The following NOS1 variants were observed in gnomAD, a reference collection of about 807,000 sequenced individuals.
The protein encoded by NOS1 is NOS type I.
A neutral mutation model predicts 164.5 loss-of-function variants in NOS1; 51 were observed. The ratio of observed to expected loss-of-function variants is 0.31; its 90% CI spans 0.25 to 0.39. NOS1 has a LOEUF of 0.39. Among genes scored for constraint, NOS1 ranks in the 10% least tolerant of loss-of-function variants. The pLI, the probability that NOS1 is intolerant of heterozygous loss-of-function variation, is 1.00. For synonymous variants in NOS1, 719 were observed against 745.8 expected, an observed-to-expected ratio of 0.96 and a Z score of 0.59; for missense variants, 1,362 against 1,885.6, an observed-to-expected ratio of 0.72 and a Z score of 5.14.
At chr12:117,347,064 A>C (rs1198820150) in intron 1 of NOS1, among the ~76,000 whole-genome samples, 1 of 152,186 alleles carries the variant, frequency 6.6e-6, no homozygotes, top group East Asian at 1.9e-4. Flanking sequence ...AGGAAGGTGG[A>C]TCACTTGAGG....
chr12:117,346,772 C>T lies in NOS1; in HGVS notation c.-421+14740G>A, dbSNP rs551651594. Among the ~76,000 whole-genome samples, 462 of 152,072 alleles carry T rather than the reference C, an allele frequency of 3.0e-3. 1 individual carries two copies. The highest frequency in any genetic ancestry group is 0.011 in the African/African-American group (451 of 41,470). ...GGTTTGCTTCTAAAGCCCCGTGTGA[C>T]TTTTTGTGACCTACACAAATGGCCA... On this transcript the variant is annotated intron_variant, in intron 1 of 28. Transcript: ENST00000317775.
At chr12:117,313,447 AC>A (rs768048540) in intron 2 of NOS1, among the ~76,000 whole-genome samples, 6 of 151,848 alleles carry the variant, frequency 4.0e-5, no homozygotes, top group Non-Finnish European at 8.8e-5. Context: ...GGCGTGCACC[AC>A]CCTGCCTGGC....
Position 117,214,958 on chromosome 12 carries a change from TGCA to T in NOS1, c.*348_*350del, listed in dbSNP as rs1956581686. 14 of 1,066,406 alleles carry T rather than the reference TGCA, an allele frequency of 1.3e-5. No individual in the cohort carries two copies. The South Asian group carries it at 6.4e-4, about 48-fold the overall frequency. 66.1% of individuals were successfully genotyped at this position (1,066,406 alleles called of 1,614,324 possible). A position where few individuals can be genotyped will look rare whatever the true frequency, so the allele number is the denominator to read the frequency against. ...GCTCAGAGAGCTTGTGCCTAGTTCCTGCAGCCTTTCCAGGGGAACCCCAGAGAA... is the reference window on the plus strand; with the variant it reads ...GCTCAGAGAGCTTGTGCCTAGTTCCTGCCTTTCCAGGGGAACCCCAGAGAA... On this transcript the variant is annotated 3_prime_UTR_variant, in exon 29 of 29. Coordinates refer to ENST00000317775, the MANE Select transcript of NOS1 (RefSeq NM_000620.5).
At chr12:117,255,941 C>T in intron 16 of NOS1, 1 of 1,493,942 alleles carries the variant, frequency 6.7e-7, no homozygotes, top group Non-Finnish European at 8.9e-7. Context: ...TCTACCTGTG[C>T]TGGCTGTCAC....
intron 5 of NOS1, among the ~76,000 whole-genome samples, chr12:117,287,748 T>C (rs568312761): frequency 1.3e-5 from 2 of 152,340 alleles, no homozygotes; most frequent in South Asian, 2.1e-4. Context: ...CTCTTGTTAG[T>C]TCTTTAATTT....
chr12:117,315,491 G>A (rs902891267), intron 2 of NOS1, among the ~76,000 whole-genome samples: 1 of 152,184 alleles, frequency 6.6e-6, no homozygotes, highest in Non-Finnish European at 1.5e-5. Flanking sequence ...GGGACCATGA[G>A]AAACATCCAG....
Position 117,215,148 on chromosome 12 carries a change from C to T in NOS1, c.*161G>A. On this transcript the variant is annotated 3_prime_UTR_variant, in exon 29 of 29. Transcript: ENST00000317775. ...AACTCAAGGAGTAAACCCAGGAGGG[C>T]CGAGGAAACCACTGAGGGGCGAGAA... is the stretch of plus-strand genomic sequence containing the variant. The T allele has an allele frequency of 2.3e-6, 3 of 1,321,482 alleles. No homozygotes were observed. The highest frequency in any genetic ancestry group is 2.9e-6 in the Non-Finnish European group (3 of 1,026,306). The allele number at this position is 1,321,482 out of a possible 1,614,324, so 81.9% of individuals were successfully genotyped here.
At chr12:117,245,531 T>C (rs1273309333) in intron 18 of NOS1, 1 of 152,242 alleles carries the variant, frequency 6.6e-6, no homozygotes, top group Admixed American at 6.5e-5. Context: ...AAGATAACAG[T>C]TTATTATAAT....
chr12:117,236,888 A>T (rs1316787430), intron 20 of NOS1, among the ~76,000 whole-genome samples: 1 of 152,220 alleles, frequency 6.6e-6, no homozygotes, highest in Non-Finnish European at 1.5e-5. Context: ...AGGAGCAGGC[A>T]TGGGAACGTG....
chr12:117,360,603 G>C (rs1877093332), intron 1 of NOS1, among the ~76,000 whole-genome samples: 1 of 152,268 alleles, frequency 6.6e-6, no homozygotes, highest in African/African-American at 2.4e-5. Flanking sequence ...AGAGCGCAAG[G>C]AGGCTCCTCG....
intron 18 of NOS1, among the ~76,000 whole-genome samples, chr12:117,247,041 T>A (rs1193665484): frequency 1.3e-5 from 2 of 152,184 alleles, no homozygotes; most frequent in African/African-American, 4.8e-5. Flanking sequence ...GTTTTCTTTG[T>A]GTACCTGTAC....
In NOS1 at chr12:117,253,691, A is replaced by T; in HGVS notation, c.2595T>A (p.Asp865Glu). Residue 865 changes from aspartate (D) to glutamate (E), a missense_variant, in exon 17 of 29, where the codon GAT becomes GAA. This residue lies in a region of NOS1 where 737 missense variants were observed against 1,030.3 expected (regional missense o/e 0.72). Coordinates refer to ENST00000317775, the MANE Select transcript of NOS1 (RefSeq NM_000620.5). Reference sequence around the variant, plus strand: ...CAAAGTTGTCTCTGAGGTCGGGCCCATCGCCTGATGATTTTTGGGAGTCAG... The same window carrying T: ...CAAAGTTGTCTCTGAGGTCGGGCCCTTCGCCTGATGATTTTTGGGAGTCAG... ...SYSDSQKSSG[D>E]GPDLRDNFES... 1.2e-6 allele frequency: 2 copies of T among 1,614,030 alleles called. No individual in the cohort carries two copies. The highest frequency in any genetic ancestry group is 1.7e-6 in the Non-Finnish European group (2 of 1,180,012).
chr12:117,266,160 A>G (rs747096545), intron 11 of NOS1, among the ~76,000 whole-genome samples: 10 of 151,888 alleles, frequency 6.6e-5, no homozygotes, highest in Non-Finnish European at 1.2e-4. Context: ...GCTTGGTGAC[A>G]TGAGTAAGTT....
In NOS1 at chr12:117,210,513, T is replaced by G; in HGVS notation, c.*4796A>C. 2.0e-6 allele frequency: 2 copies of G among 985,420 alleles called. No homozygotes were observed. The highest frequency in any genetic ancestry group is 1.2e-6 in the Non-Finnish European group (1 of 829,970). 61.0% of individuals were successfully genotyped at this position (985,420 alleles called of 1,614,324 possible). A position where few individuals can be genotyped will look rare whatever the true frequency, so the allele number is the denominator to read the frequency against. On this transcript the variant is annotated 3_prime_UTR_variant, in exon 29 of 29. Coordinates refer to ENST00000317775, the MANE Select transcript of NOS1 (RefSeq NM_000620.5). ...AGGGAAATATACAAGGAAACATGGC[T>G]GGTTTAAAACACAGGCTAGAAGTCC...
chr12:117,349,371 T>C (rs1185499769), intron 1 of NOS1, among the ~76,000 whole-genome samples: 5 of 152,250 alleles, frequency 3.3e-5, no homozygotes, highest in East Asian at 1.9e-4. Flanking sequence ...CACTCGTCCA[T>C]TGACAGACAT....
chr12:117,260,631 T>C (rs762620329), intron 13 of NOS1, 22 bp from the exon 14 acceptor site: 6 of 1,600,010 alleles, frequency 3.7e-6, no homozygotes, highest in South Asian at 2.2e-5. Context: ...AGGATGGAGA[T>C]GAAAAATGGG....
Position 117,213,205 on chromosome 12 carries a change from G to A in NOS1, c.*2104C>T. The A allele has an allele frequency of 1.0e-6, 1 of 985,468 alleles. No individual in the cohort carries two copies. Among genetic ancestry groups the A allele is most frequent in the Non-Finnish European group, 1.2e-6 (1 of 829,948 alleles). The allele number at this position is 985,468 out of a possible 1,614,324, so 61.0% of individuals were successfully genotyped here. A position where few individuals can be genotyped will look rare whatever the true frequency, so the allele number is the denominator to read the frequency against. On this transcript the variant is annotated 3_prime_UTR_variant, in exon 29 of 29. Transcript: ENST00000317775. ...CACTGATCAATTTGTCTTTAATGGG[G>A]ATTGGACACAACAGTTTCCTTCCCT...
intron 7 of NOS1, 46 bp from the exon 8 acceptor site, chr12:117,280,912 G>T (rs767736551): frequency 6.3e-7 from 1 of 1,599,592 alleles, no homozygotes; most frequent in South Asian, 1.1e-5. Flanking sequence ...CGGGACTTGC[G>T]CTGTGGGAAC....
intron 17 of NOS1, among the ~76,000 whole-genome samples, chr12:117,250,327 C>CTTT (rs556629285): frequency 1.5e-5 from 2 of 130,176 alleles, no homozygotes; most frequent in African/African-American, 2.9e-5. Flanking sequence ...TTGCCATTTA[C>CTTT]TTTTTTTTTT....
Sources: gnomAD v4.1 joint callset for allele counts (sites outside exome capture counted in the v4.1 genomes callset) on GRCh38, gnomAD v4.1.1 for gene constraint, gnomAD v4.1.1 regional missense constraint, MANE v1.5 for transcripts, NCBI Gene and HGNC (gene_info 2026-07-23, HGNC 2026-07-21) for gene names.